The following OSBPL9 variants were observed in gnomAD, a reference collection of about 807,000 sequenced individuals.
OSBPL9 encodes oxysterol-binding protein-related protein 9.
A neutral mutation model predicts 106.6 loss-of-function variants in OSBPL9; 40 were observed. The ratio of observed to expected loss-of-function variants is 0.38; its 90% CI spans 0.29 to 0.49. OSBPL9 has a LOEUF of 0.49. Among genes scored for constraint, OSBPL9 ranks in the 20% least tolerant of loss-of-function variants. The probability of loss-of-function intolerance (pLI) is 0.97; values close to 1 mark genes in which losing one functional copy is unlikely to be tolerated. For missense variants in OSBPL9, 609 were observed against 887.2 expected, an observed-to-expected ratio of 0.69 and a Z score of 3.98; for synonymous variants, 269 against 295.4, an observed-to-expected ratio of 0.91 and a Z score of 0.92.
chr1:51,624,438 A>G (rs1324712697), intron 1 of OSBPL9, among the ~76,000 whole-genome samples: 2 of 151,958 alleles, frequency 1.3e-5, no homozygotes, highest in Admixed American at 6.6e-5. Context: ...AAATACAAAA[A>G]TTAGCCGGGC....
upstream of OSBPL9, among the ~76,000 whole-genome samples, chr1:51,613,175 C>T (rs1644001310): frequency 6.6e-6 from 1 of 152,180 alleles, no homozygotes; most frequent in African/African-American, 2.4e-5. Context: ...AGGCCTGGTT[C>T]CTGCTGTTAA....
At chr1:51,555,447 G>A in the OSBPL9 span, among the ~76,000 whole-genome samples, 12 of 151,958 alleles carry the variant, frequency 7.9e-5, no homozygotes, top group Non-Finnish European at 1.8e-4. Context: ...CTGAGATAGC[G>A]CCATTGCACT....
At chr1:51,687,784 T>C (rs1411259291) in intron 3 of OSBPL9, among the ~76,000 whole-genome samples, 1 of 152,218 alleles carries the variant, frequency 6.6e-6, no homozygotes, top group Non-Finnish European at 1.5e-5. Context: ...ACCAGAATGA[T>C]AGGTTAAAAC....
intron 12 of OSBPL9, among the ~76,000 whole-genome samples, chr1:51,768,653 C>G (rs1199243270): frequency 6.6e-6 from 1 of 152,234 alleles, no homozygotes; most frequent in Non-Finnish European, 1.5e-5. Flanking sequence ...CTCTTGGTAA[C>G]ATCACTGATA....
At chr1:51,684,916 T>TC (rs1292377962) in intron 3 of OSBPL9, among the ~76,000 whole-genome samples, 6 of 141,662 alleles carry the variant, frequency 4.2e-5, no homozygotes, top group African/African-American at 1.6e-4. Flanking sequence ...TCTTCTTCTT[T>TC]TTTTTTTTTT....
chr1:51,716,376 T>G (rs1276252527), intron 4 of OSBPL9, among the ~76,000 whole-genome samples: 1 of 152,250 alleles, frequency 6.6e-6, no homozygotes, highest in Non-Finnish European at 1.5e-5. Context: ...ACTTACTGTC[T>G]CTGAGTTTCA....
intron 1 of OSBPL9, among the ~76,000 whole-genome samples, chr1:51,580,612 T>A (rs1371532489): frequency 2.6e-5 from 4 of 152,024 alleles, no homozygotes; most frequent in African/African-American, 4.8e-5. Flanking sequence ...GAACCTATGC[T>A]GTGCCAGTCT....
upstream of OSBPL9, among the ~76,000 whole-genome samples, chr1:51,574,502 C>G (rs1250256465): frequency 1.3e-5 from 2 of 152,114 alleles, no homozygotes; most frequent in African/African-American, 4.8e-5. Flanking sequence ...GCCTGTAGTC[C>G]CAGCTACTCA....
intron 1 of OSBPL9, among the ~76,000 whole-genome samples, chr1:51,621,099 A>G (rs1163196391): frequency 6.6e-6 from 1 of 152,236 alleles, no homozygotes; most frequent in South Asian, 2.1e-4. Context: ...TCCAGCTTAT[A>G]CAAGTATCAA....
the OSBPL9 span, among the ~76,000 whole-genome samples, chr1:51,552,572 G>T: frequency 2.0e-5 from 3 of 152,122 alleles, no homozygotes; most frequent in Middle Eastern, 6.8e-3. Flanking sequence ...AGTAAAACAA[G>T]ACAAAACCAG....
At chr1:51,633,935 T>A (rs1436263061) in intron 1 of OSBPL9, among the ~76,000 whole-genome samples, 1 of 152,148 alleles carries the variant, frequency 6.6e-6, no homozygotes, top group African/African-American at 2.4e-5. Flanking sequence ...TGGAAATAAT[T>A]ATTAACAGTT....
chr1:51,761,692 CATT>C (rs1165332727), intron 10 of OSBPL9, among the ~76,000 whole-genome samples, 172 bp from the exon 11 acceptor site: 12 of 152,266 alleles, frequency 7.9e-5, no homozygotes, highest in African/African-American at 2.9e-4. Flanking sequence ...AGCCTATCAT[CATT>C]GAGTTTAAGA....
Position 51,669,488 on chromosome 1 carries a change from G to T in OSBPL9, c.217G>T (p.Asp73Tyr). ...CGACAGCACCTTCACAATAACTGTT[G>T]ATCAGAAAACCTTCCATTTCCAGGG... ...EDDSTFTITV[D>Y]QKTFHFQARD... The change falls in exon 3 of 24, where the codon GAT (aspartate) becomes TAT (tyrosine). Residue 73 changes from aspartate (D) to tyrosine (Y), a missense_variant. Physicochemically the swap from Asp to Tyr is radical, Grantham distance 160 (BLOSUM62 -3). Coordinates refer to ENST00000428468, the MANE Select transcript of OSBPL9 (RefSeq NM_024586.6). 1 of 1,614,020 alleles carries T rather than the reference G, an allele frequency of 6.2e-7. No homozygotes were observed. The highest frequency in any genetic ancestry group is 1.1e-5 in the South Asian group (1 of 91,082).
chr1:51,650,426 A>G (rs988596986), intron 1 of OSBPL9, among the ~76,000 whole-genome samples: 1 of 152,240 alleles, frequency 6.6e-6, no homozygotes, highest in African/African-American at 2.4e-5. Context: ...AGTATAGGGT[A>G]CAGTAAAAGG....
At chr1:51,703,201 A>G (rs1355965435) in intron 3 of OSBPL9, among the ~76,000 whole-genome samples, 5 of 152,082 alleles carry the variant, frequency 3.3e-5, no homozygotes, top group African/African-American at 7.2e-5. Context: ...AGCTTGATGG[A>G]GATGGCATTG....
At chr1:51,678,031 C>T (rs778522003) in intron 3 of OSBPL9, among the ~76,000 whole-genome samples, 62 of 151,414 alleles carry the variant, frequency 4.1e-4, no homozygotes, top group Middle Eastern at 3.4e-3. Context: ...AATGAAAAAA[C>T]TCCCCTGAGC....
chr1:51,558,744 CTCTGCA>C, the OSBPL9 span, among the ~76,000 whole-genome samples: 8 of 152,174 alleles, frequency 5.3e-5, no homozygotes, highest in Non-Finnish European at 1.0e-4. Flanking sequence ...GCTTAGTGAG[CTCTGCA>C]TTTATTAAAC....
chr1:51,759,847 C>T (rs972927965), intron 9 of OSBPL9: 1 of 152,134 alleles, frequency 6.6e-6, no homozygotes, highest in East Asian at 1.9e-4. Context: ...AGAAAGCAAG[C>T]CCTCTTCTCT....
Position 51,652,019 on chromosome 1 carries a change from G to A in OSBPL9, c.140G>A (p.Arg47His), listed in dbSNP as rs1213560352. The change falls in exon 2 of 24, where the codon CGC (arginine) becomes CAC (histidine). Residue 47 changes from arginine (R) to histidine (H), a missense_variant. Arg to His is a conservative substitution (Grantham distance 29). Coordinates refer to ENST00000428468, the MANE Select transcript of OSBPL9 (RefSeq NM_024586.6). ...AAGGACAAAATGATGAGAGGCTCTC[G>A]CAGAGGATGTGTTAGACTCAGAGTG... ...TSKDKMMRGS[R>H]RGCVRLRGAV... 6 of 1,608,628 alleles carry A rather than the reference G, an allele frequency of 3.7e-6. No individual in the cohort carries two copies. Among genetic ancestry groups the A allele is most frequent in the Middle Eastern group, 3.3e-4 (2 of 6,030 alleles).
Sources: gnomAD v4.1 joint callset for allele counts (sites outside exome capture counted in the v4.1 genomes callset) on GRCh38, gnomAD v4.1.1 for gene constraint, MANE v1.5 for transcripts, NCBI Gene and HGNC (gene_info 2026-07-23, HGNC 2026-07-21) for gene names.